TYW1: variants seen among roughly 807,000 people sequenced by gnomAD.
TYW1 encodes S-adenosyl-L-methionine-dependent tRNA 4-demethylwyosine synthase TYW1.
Under a neutral mutation model 96.2 loss-of-function variants are expected in TYW1, and 46 were observed. The ratio of observed to expected loss-of-function variants is 0.48; its 90% CI spans 0.38 to 0.61. The LOEUF (loss-of-function observed/expected upper bound fraction) is 0.61. Ranked by LOEUF, TYW1 falls within the 20% of genes least tolerant of loss-of-function variation. The probability of loss-of-function intolerance (pLI) is 0.00; values close to 1 mark genes in which losing one functional copy is unlikely to be tolerated. For synonymous variants in TYW1, 274 were observed against 323.0 expected (o/e 0.85, Z 1.63); for missense variants, 684 against 909.6 (o/e 0.75, Z 3.19).
chr7:67,096,352 A>G (rs1201646699), intron 11 of TYW1, among the ~76,000 whole-genome samples: 4 of 152,194 alleles, frequency 2.6e-5, no homozygotes, highest in Non-Finnish European at 5.9e-5. Flanking sequence ...TTGCCACTGC[A>G]ATCCAGCCTG....
At position 67,046,105 on chromosome 7, in the gene TYW1, G is replaced by A. The variant is rs573080866; in HGVS notation, c.985-3844G>A. On this transcript the variant is annotated intron_variant, in intron 7 of 15. Transcript: ENST00000359626. ...GGATTAATATGAGGCAGTATAATTA[G>A]TGAAGTGTGATCTGATTGGATCTTG... Among the ~76,000 whole-genome samples, 3 of 152,294 alleles carry A rather than the reference G, an allele frequency of 2.0e-5. No individual in the cohort carries two copies. In the South Asian group the frequency reaches 6.2e-4, roughly 32 times the overall value.
chr7:67,173,950 G>T (rs1436863848), intron 13 of TYW1, among the ~76,000 whole-genome samples: 1 of 139,788 alleles, frequency 7.2e-6, no homozygotes, highest in African/African-American at 2.8e-5. Context: ...TGTTGAATCA[G>T]CCTTACCTAC....
chr7:67,239,349 T>G lies in TYW1; in HGVS notation c.*820T>G. On this transcript the variant is annotated 3_prime_UTR_variant, in exon 16 of 16. Transcript: ENST00000359626. ...ATGACCAGACGGCGGGTCTCCATCT[T>G]CTTTCACTCCTGTGGCCCTGGCTGC... The G allele has an allele frequency of 1.0e-6, 1 of 985,416 alleles. No homozygotes were observed. The highest frequency in any genetic ancestry group is 1.2e-6 in the Non-Finnish European group (1 of 829,890). 61.0% of individuals were successfully genotyped at this position (985,416 alleles called of 1,614,324 possible). A position where few individuals can be genotyped will look rare whatever the true frequency, so the allele number is the denominator to read the frequency against.
chr7:67,054,408 G>A (rs1314941548), intron 8 of TYW1, among the ~76,000 whole-genome samples: 1 of 152,182 alleles, frequency 6.6e-6, no homozygotes, highest in Non-Finnish European at 1.5e-5. Context: ...TCCAAGAGAA[G>A]AACTAGAATT....
chr7:67,174,044 C>T (rs952496416), intron 13 of TYW1, among the ~76,000 whole-genome samples: 1 of 143,994 alleles, frequency 6.9e-6, no homozygotes, highest in South Asian at 2.2e-4. Context: ...TAGTGGAGAA[C>T]TGTGAGAAGC....
intron 3 of TYW1, among the ~76,000 whole-genome samples, chr7:67,000,750 A>T (rs372319301): frequency 2.3e-3 from 343 of 152,346 alleles, no homozygotes; most frequent in Admixed American, 3.7e-3. Flanking sequence ...GGTCACAGCT[A>T]GTTAGTGCTT....
At chr7:67,068,094 T>A (rs1293148198) in intron 10 of TYW1, among the ~76,000 whole-genome samples, 3 of 151,712 alleles carry the variant, frequency 2.0e-5, no homozygotes, top group East Asian at 3.9e-4. Context: ...TCATCTTGGC[T>A]CACTGCAACC....
At chr7:67,216,554 C>T (rs1801202129) in intron 15 of TYW1, among the ~76,000 whole-genome samples, 1 of 146,846 alleles carries the variant, frequency 6.8e-6, no homozygotes, top group Admixed American at 6.8e-5. Flanking sequence ...GCTTATTTCT[C>T]TTGTTTGCTA....
At chr7:67,041,947 AG>A (rs1380925785) in intron 7 of TYW1, among the ~76,000 whole-genome samples, 1 of 150,070 alleles carries the variant, frequency 6.7e-6, no homozygotes, top group Admixed American at 6.7e-5. Flanking sequence ...TTTCTTGTAT[AG>A]TAGTTAATAT....
intron 15 of TYW1, among the ~76,000 whole-genome samples, chr7:67,225,637 C>G (rs1801537932): frequency 6.6e-6 from 1 of 152,090 alleles, no homozygotes; most frequent in Admixed American, 6.6e-5. Context: ...GTGGAACTCA[C>G]CCTCATCAGA....
At chr7:67,140,120 G>A (rs28399292) in intron 13 of TYW1, among the ~76,000 whole-genome samples, 38,979 of 150,996 alleles carry the variant, frequency 0.26, 5,499 homozygotes, top group African/African-American at 0.38. Flanking sequence ...ACTTTTTGAA[G>A]CCATCAGCTC....
At chr7:67,194,552 A>C (rs1380381864) in intron 14 of TYW1, among the ~76,000 whole-genome samples, 1 of 152,094 alleles carries the variant, frequency 6.6e-6, no homozygotes, top group Non-Finnish European at 1.5e-5. Flanking sequence ...TTGAACCAGG[A>C]AGTGGAGGTT....
intron 7 of TYW1, among the ~76,000 whole-genome samples, chr7:67,039,962 AT>A (rs1234824700): frequency 6.8e-4 from 92 of 135,388 alleles, no homozygotes; most frequent in Non-Finnish European, 5.9e-4. Context: ...TGCCTGGTCT[AT>A]TTTTTTTTTT....
chr7:67,183,976 C>T (rs1028479019), intron 14 of TYW1, among the ~76,000 whole-genome samples: 5 of 152,006 alleles, frequency 3.3e-5, no homozygotes, highest in East Asian at 1.9e-4. Context: ...TAGAGGTGCA[C>T]GCCACTATGC....
intron 5 of TYW1, 116 bp from the exon 6 acceptor site, chr7:67,017,737 C>T (rs1794072945): frequency 1.4e-6 from 2 of 1,413,226 alleles, no homozygotes; most frequent in South Asian, 1.4e-5. Flanking sequence ...ATTTCCTCTT[C>T]CTTAGCGGCA....
At chr7:67,080,465 G>A (rs1175993343) in intron 10 of TYW1, among the ~76,000 whole-genome samples, 1 of 151,142 alleles carries the variant, frequency 6.6e-6, no homozygotes, top group Admixed American at 6.6e-5. Flanking sequence ...GGGTGCAGTG[G>A]CACAATCTCG....
At chr7:67,037,504 CA>C (rs570794125) in intron 7 of TYW1, among the ~76,000 whole-genome samples, 893 of 85,114 alleles carry the variant, frequency 0.01, 7 homozygotes, top group Admixed American at 0.023. Context: ...AACTCCGTCT[CA>C]AAAAAAAAAA....
intron 11 of TYW1, among the ~76,000 whole-genome samples, chr7:67,095,698 ACAGCAGCAG>A (rs1307959075): frequency 9.8e-6 from 1 of 102,408 alleles, no homozygotes; most frequent in Non-Finnish European, 2.0e-5. Context: ...AACAACAACA[ACAGCAGCAG>A]CAGCAGCAGC....
Position 67,183,132 on chromosome 7 carries a change from C to T in TYW1, c.1705C>T (p.Arg569Ter), listed in dbSNP as rs1299724199. Reference protein sequence around the residue: ...SLKALAVKQQRTVYRLTLVKA... With the variant: ...SLKALAVKQQ ...GGCTTTTCCTTTGTTTTAGCAACAA[C>T]GAACTGTCTACAGACTGACGCTCGT... is the stretch of plus-strand genomic sequence containing the variant. The change falls in exon 14 of 16, where the codon CGA becomes TGA. Residue 569 changes from arginine (R) to a stop codon, truncating the protein, a stop_gained. Coordinates refer to ENST00000359626, the MANE Select transcript of TYW1 (RefSeq NM_018264.4). LOFTEE classifies it high-confidence loss of function. The T allele has an allele frequency of 3.1e-6, 5 of 1,607,956 alleles. No homozygotes were observed. Among genetic ancestry groups the T allele is most frequent in the Admixed American group, 3.4e-5 (2 of 59,476 alleles).
Sources: allele counts gnomAD v4.1 joint callset (sites outside exome capture counted in the v4.1 genomes callset), GRCh38; gene constraint gnomAD v4.1.1; transcripts MANE v1.5; gene names NCBI Gene and HGNC (gene_info 2026-07-23, HGNC 2026-07-21).